The following KLC1 variants were observed in gnomAD, a reference collection of about 807,000 sequenced individuals.
The protein encoded by KLC1 is kinesin light chain 1.
KLC1 carries 30 observed loss-of-function variants against 84.2 expected under a neutral mutation model. The ratio of observed to expected loss-of-function variants is 0.36; its 90% confidence interval spans 0.27 to 0.48. The LOEUF (loss-of-function observed/expected upper bound fraction) is 0.48, where lower values mean the gene tolerates loss of function less well. KLC1 is among the 20% of genes least tolerant of loss of function. The pLI is 0.99. For synonymous variants in KLC1, 289 were observed against 293.3 expected (o/e 0.99, Z 0.15); for missense variants, 499 against 805.4 (o/e 0.62, Z 4.60).
intron 3 of KLC1, among the ~76,000 whole-genome samples, chr14:103,658,720 C>T (rs1290555346): frequency 7.6e-5 from 11 of 145,610 alleles, no homozygotes; most frequent in African/African-American, 2.3e-4. Flanking sequence ...TGCAGTGGCA[C>T]GATCTTGGCT....
intron 11 of KLC1, 82 bp from the exon 12 acceptor site, chr14:103,677,333 A>G: frequency 2.5e-6 from 2 of 812,620 alleles, no homozygotes; most frequent in South Asian, 1.4e-5. Flanking sequence ...GAAGTCTGTT[A>G]GTTCTTTAGA....
Position 103,654,824 on chromosome 14 carries a change from A to T in KLC1, c.260A>T (p.Gln87Leu). The T allele has an allele frequency of 6.2e-7, 1 of 1,613,554 alleles. No homozygotes were observed. The highest frequency in any genetic ancestry group is 1.1e-5 in the South Asian group (1 of 91,022). Reference protein sequence around the residue: ...EMLELGLSEAQVMMALSNHLN... With the variant: ...EMLELGLSEALVMMALSNHLN... ...TTGGAGCTCGGCCTGAGTGAGGCAC[A>T]GGTACGAGTGAGAATGACTCAGACG... The change falls in exon 2 of 17, where the codon CAG (glutamine) becomes CTG (leucine). Residue 87 changes from glutamine (Q) to leucine (L), a missense_variant and splice_region_variant. Transcript: ENST00000334553.
intron 2 of KLC1, among the ~76,000 whole-genome samples, chr14:103,656,260 C>A (rs1040320033): frequency 2.0e-5 from 3 of 152,192 alleles, no homozygotes; most frequent in Non-Finnish European, 4.4e-5. Flanking sequence ...CTTACAGTGG[C>A]AGGTCCTTAA....
intron 1 of KLC1, among the ~76,000 whole-genome samples, chr14:103,633,311 C>T (rs144352035): frequency 0.012 from 1,761 of 152,188 alleles, 32 homozygotes; most frequent in African/African-American, 0.041. Context: ...CCCGCCTTGG[C>T]CTCTCAAAGT....
At position 103,689,158 on chromosome 14, in the gene KLC1, ATTAT is replaced by A. The variant is rs765975696; in HGVS notation, c.1781+1951_1781+1954del. The stretch of plus-strand genomic sequence containing the variant: ...GATGCCCAGAGAGAGCATTCTGGAC[ATTAT>A]TTAATTCCTGGAGGGGATCACACTG... On this transcript the variant is annotated intron_variant, in intron 14 of 16. Coordinates refer to ENST00000334553, the MANE Select transcript of KLC1 (RefSeq NM_001394837.1). Among the ~76,000 whole-genome samples, 18 of 152,198 alleles carry A rather than the reference ATTAT, an allele frequency of 1.2e-4. 1 individual carries two copies. Among genetic ancestry groups the A allele is most frequent in the Non-Finnish European group, 2.9e-5 (2 of 68,034 alleles).
chr14:103,693,813 A>G lies in KLC1; in HGVS notation c.1848+1388A>G, dbSNP rs1595582465. 1 of 1,395,276 alleles carries G rather than the reference A, an allele frequency of 7.2e-7. No individual in the cohort carries two copies. Among genetic ancestry groups the G allele is most frequent in the African/African-American group, 1.5e-5 (1 of 68,228 alleles). The allele number at this position is 1,395,276 out of a possible 1,614,324, so 86.4% of individuals were successfully genotyped here. A position where few individuals can be genotyped will look rare whatever the true frequency, so the allele number is the denominator to read the frequency against. On this transcript the variant is annotated intron_variant, in intron 15 of 16. Transcript: ENST00000334553. The surrounding 1 kb of genome is among the most constrained non-coding windows in gnomAD (Gnocchi z 5.1). ...CTCAGCATTCTGTTACTCGGCCTGCAGCCCCAGTGCCAGGAGCCACCCCGA... is the reference window on the plus strand; with the variant it reads ...CTCAGCATTCTGTTACTCGGCCTGCGGCCCCAGTGCCAGGAGCCACCCCGA...
intron 3 of KLC1, among the ~76,000 whole-genome samples, chr14:103,659,402 G>T (rs2079104172): frequency 6.6e-6 from 1 of 152,142 alleles, no homozygotes; most frequent in Non-Finnish European, 1.5e-5. Flanking sequence ...TGAAAAGTTA[G>T]AGAAGAAAAT....
chr14:103,674,122 G>A (rs2080672452), intron 9 of KLC1, among the ~76,000 whole-genome samples: 1 of 152,144 alleles, frequency 6.6e-6, no homozygotes, highest in Non-Finnish European at 1.5e-5. Flanking sequence ...CCCAATTCAT[G>A]CAGAAATGGA....
At chr14:103,688,299 G>A (rs575266301) in intron 14 of KLC1, among the ~76,000 whole-genome samples, 1 of 152,210 alleles carries the variant, frequency 6.6e-6, no homozygotes, top group South Asian at 2.1e-4. Flanking sequence ...ACAGGCACAT[G>A]CCACCACGCC....
intron 1 of KLC1, among the ~76,000 whole-genome samples, chr14:103,632,839 C>G (rs944882797): frequency 4.6e-5 from 7 of 152,068 alleles, no homozygotes; most frequent in South Asian, 2.1e-4. Context: ...GGCGATTCTT[C>G]ACAAAAGAAA....
intron 13 of KLC1, among the ~76,000 whole-genome samples, chr14:103,682,141 C>T (rs1017083861): frequency 6.6e-6 from 1 of 152,032 alleles, no homozygotes; most frequent in Non-Finnish European, 1.5e-5. Context: ...GAAGCTGAGG[C>T]GGGCAGATCA....
At chr14:103,673,809 G>C (rs2080634364) in intron 9 of KLC1, among the ~76,000 whole-genome samples, 1 of 152,100 alleles carries the variant, frequency 6.6e-6, no homozygotes, top group Non-Finnish European at 1.5e-5. Flanking sequence ...TGTAGTCCCA[G>C]CTACTCGGGA....
intron 16 of KLC1, 23 bp downstream of exon 16, chr14:103,700,750 C>T: frequency 1.3e-6 from 2 of 1,545,228 alleles, no homozygotes; most frequent in Non-Finnish European, 1.8e-6. Flanking sequence ...GCCTGCAGCC[C>T]CAGGAAGCAG....
intron 5 of KLC1, among the ~76,000 whole-genome samples, chr14:103,664,997 T>C (rs547978977): frequency 2.6e-5 from 4 of 152,276 alleles, no homozygotes; most frequent in Middle Eastern, 6.8e-3. Context: ...CCATGGCCTC[T>C]GTCAGTCTTG....
At chr14:103,664,819 C>G (rs1398536048) in intron 5 of KLC1, among the ~76,000 whole-genome samples, 1 of 102,006 alleles carries the variant, frequency 9.8e-6, no homozygotes, top group Non-Finnish European at 1.9e-5. Context: ...TTGGCCAAGG[C>G]TTTTTTTTTT....
chr14:103,660,949 C>T (rs148551806), intron 3 of KLC1, among the ~76,000 whole-genome samples: 159 of 152,250 alleles, frequency 1.0e-3, no homozygotes, highest in African/African-American at 2.6e-3. Flanking sequence ...TTCGTAGGAT[C>T]GGAGACTTTT....
intron 5 of KLC1, among the ~76,000 whole-genome samples, chr14:103,667,948 T>G (rs182503160): frequency 2.2e-4 from 34 of 152,306 alleles, no homozygotes; most frequent in Middle Eastern, 3.4e-3. Context: ...GGTGTTTCTG[T>G]TTTACTCCAA....
At chr14:103,677,784 C>T (rs2081026684) in intron 12 of KLC1, among the ~76,000 whole-genome samples, 1 of 151,138 alleles carries the variant, frequency 6.6e-6, no homozygotes, top group Non-Finnish European at 1.5e-5. Context: ...CATGGTGAAA[C>T]CCCGTCTCTA....
chr14:103,661,644 G>T (rs2079300750), intron 3 of KLC1, among the ~76,000 whole-genome samples: 1 of 152,042 alleles, frequency 6.6e-6, no homozygotes, highest in Non-Finnish European at 1.5e-5. Context: ...TGGGTCACAG[G>T]CCTTTAAAGC....
Sources: allele counts gnomAD v4.1 joint callset (sites outside exome capture counted in the v4.1 genomes callset), GRCh38; gene constraint gnomAD v4.1.1; non-coding constraint Gnocchi (gnomAD v3.1); transcripts MANE v1.5; gene names NCBI Gene and HGNC (gene_info 2026-07-23, HGNC 2026-07-21).